Variants in CCNY observed in about 807,000 individuals in gnomAD.
The protein encoded by CCNY is cyclin-Y.
A neutral mutation model predicts 42.8 loss-of-function variants in CCNY; 19 were observed. The ratio of observed to expected loss-of-function variants is 0.44; its 90% CI spans 0.31 to 0.65. The LOEUF (loss-of-function observed/expected upper bound fraction) is 0.65, where lower values mean the gene tolerates loss of function less well. CCNY is among the 30% of genes least tolerant of loss of function. The pLI, the probability that CCNY is intolerant of heterozygous loss-of-function variation, is 0.07. For missense variants in CCNY, 370 were observed against 437.3 expected (o/e 0.85, Z 1.37); for synonymous variants, 165 against 162.7 (o/e 1.01, Z -0.11).
At chr10:35,481,300 T>G (rs971938454) in intron 1 of CCNY, among the ~76,000 whole-genome samples, 5 of 152,192 alleles carry the variant, frequency 3.3e-5, no homozygotes, top group Admixed American at 6.5e-5. Flanking sequence ...ATTAACAACT[T>G]TGAGGGCTTG....
At chr10:35,415,477 G>T (rs760926374) in intron 1 of CCNY, among the ~76,000 whole-genome samples, 3 of 152,114 alleles carry the variant, frequency 2.0e-5, no homozygotes, top group Non-Finnish European at 2.9e-5. Context: ...CTTTCCTGAA[G>T]GCAGAAGGGC....
At chr10:35,453,549 A>G (rs538516226) in intron 1 of CCNY, among the ~76,000 whole-genome samples, 5 of 152,376 alleles carry the variant, frequency 3.3e-5, no homozygotes, top group Admixed American at 6.5e-5. Flanking sequence ...GGTGCAGTCT[A>G]CAAAATTACT....
intron 3 of CCNY, among the ~76,000 whole-genome samples, chr10:35,516,148 G>T (rs531968686): frequency 3.3e-5 from 5 of 152,190 alleles, no homozygotes; most frequent in African/African-American, 1.2e-4. Context: ...ATCTTAGTGC[G>T]TAAAACCAGG....
intron 1 of CCNY, among the ~76,000 whole-genome samples, chr10:35,384,354 A>C (rs1005159828): frequency 6.6e-6 from 1 of 152,134 alleles, no homozygotes; most frequent in African/African-American, 2.4e-5. Context: ...GTTGCAAGAG[A>C]AAAGGAGCAG....
chr10:35,539,284 G>A (rs1040429855), intron 7 of CCNY, among the ~76,000 whole-genome samples: 2 of 152,130 alleles, frequency 1.3e-5, no homozygotes, highest in Non-Finnish European at 2.9e-5. Context: ...GTCAATTTCT[G>A]TCAGCACCCA....
At chr10:35,343,755 C>T (rs1287033656) in intron 1 of CCNY, among the ~76,000 whole-genome samples, 1 of 152,118 alleles carries the variant, frequency 6.6e-6, no homozygotes, top group Non-Finnish European at 1.5e-5. Context: ...TATTTCTATC[C>T]AGCAAGGGGC....
chr10:35,502,415 A>G (rs1359392272), intron 3 of CCNY, among the ~76,000 whole-genome samples: 2 of 152,130 alleles, frequency 1.3e-5, no homozygotes, highest in Non-Finnish European at 2.9e-5. Context: ...ATAGTCCTAA[A>G]GCTGTGTATT....
At chr10:35,273,075 T>C (rs781651903) in intron 3 of CCNY, among the ~76,000 whole-genome samples, 2 of 152,178 alleles carry the variant, frequency 1.3e-5, no homozygotes, top group Non-Finnish European at 1.5e-5. Flanking sequence ...ACTTCAAGTG[T>C]GCTCTTGGTG....
At chr10:35,251,572 G>C (rs899854389) in intron 3 of CCNY, among the ~76,000 whole-genome samples, 4 of 149,380 alleles carry the variant, frequency 2.7e-5, no homozygotes, top group African/African-American at 9.9e-5. Flanking sequence ...TCCCTAGCAA[G>C]CAATCCTTCA....
chr10:35,425,237 C>T (rs1426602615), intron 1 of CCNY, among the ~76,000 whole-genome samples: 1 of 152,236 alleles, frequency 6.6e-6, no homozygotes, highest in Non-Finnish European at 1.5e-5. Flanking sequence ...GTTCATTTGA[C>T]TTACTCTTTG....
At chr10:35,544,634 C>T (rs746370528) in intron 7 of CCNY, among the ~76,000 whole-genome samples, 13 of 152,210 alleles carry the variant, frequency 8.5e-5, no homozygotes, top group African/African-American at 1.7e-4. Flanking sequence ...GTGTTGGTTA[C>T]GCAGACATCC....
At chr10:35,350,100 C>G (rs562151596) in intron 1 of CCNY, among the ~76,000 whole-genome samples, 1 of 152,298 alleles carries the variant, frequency 6.6e-6, no homozygotes, top group South Asian at 2.1e-4. Flanking sequence ...TTAGAACTAA[C>G]ATTAGGTTCT....
chr10:35,313,520 G>A (rs970628501), intron 3 of CCNY, among the ~76,000 whole-genome samples: 1 of 152,154 alleles, frequency 6.6e-6, no homozygotes, highest in South Asian at 2.1e-4. Context: ...TCCCGTGCCT[G>A]TGCCTGCTGC....
chr10:35,390,696 C>T (rs1458270380), intron 1 of CCNY, among the ~76,000 whole-genome samples: 1 of 152,174 alleles, frequency 6.6e-6, no homozygotes, highest in Non-Finnish European at 1.5e-5. Context: ...TCAGTAACCC[C>T]CAGCTCAGCA....
chr10:35,270,795 G>A (rs574475871), intron 3 of CCNY, among the ~76,000 whole-genome samples: 65 of 143,308 alleles, frequency 4.5e-4, no homozygotes, highest in African/African-American at 1.7e-3. Flanking sequence ...GTGTGATCTC[G>A]GCTCACTGCA....
At chr10:35,360,977 C>T (rs1400920713) in intron 1 of CCNY, among the ~76,000 whole-genome samples, 1 of 152,150 alleles carries the variant, frequency 6.6e-6, no homozygotes, top group Non-Finnish European at 1.5e-5. Flanking sequence ...TCTCCTGCCT[C>T]AGCCTCATGA....
intron 1 of CCNY, among the ~76,000 whole-genome samples, chr10:35,441,298 T>C (rs1404504600): frequency 6.6e-6 from 1 of 152,240 alleles, no homozygotes; most frequent in African/African-American, 2.4e-5. Flanking sequence ...GACTTTCATT[T>C]TGGAAGGAAC....
At chr10:35,468,344 G>C (rs1564423001) in intron 1 of CCNY, among the ~76,000 whole-genome samples, 2 of 152,164 alleles carry the variant, frequency 1.3e-5, no homozygotes, top group South Asian at 4.1e-4. Context: ...TTTAACGTAT[G>C]AATTTTGGGG....
intron 1 of CCNY, among the ~76,000 whole-genome samples, 166 bp downstream of exon 1, chr10:35,337,373 G>A (rs1403085723): frequency 6.6e-6 from 1 of 152,156 alleles, no homozygotes; most frequent in Admixed American, 6.5e-5. Flanking sequence ...CAGCCTCTGG[G>A]CGTACCCCTC....
Sources: allele counts gnomAD v4.1 joint callset (sites outside exome capture counted in the v4.1 genomes callset), GRCh38; gene constraint gnomAD v4.1.1; transcripts MANE v1.5; gene names NCBI Gene and HGNC (gene_info 2026-07-23, HGNC 2026-07-21).